RBFOX1: variants seen among roughly 807,000 people sequenced by gnomAD.
RBFOX1 encodes RNA binding fox-1 homolog 1, also known as RNA binding protein fox-1 homolog 1.
In RBFOX1, 8 loss-of-function variants were observed where a neutral mutation model predicts 57.7. The ratio of observed to expected loss-of-function variants is 0.14; its 90% confidence interval spans 0.08 to 0.25. The LOEUF is 0.25. RBFOX1 is among the 10% of genes least tolerant of loss of function. The pLI is 1.00. For missense variants in RBFOX1, 611 were observed against 548.5 expected, an observed-to-expected ratio of 1.11 and a Z score of -1.14; for synonymous variants, 326 against 222.4, an observed-to-expected ratio of 1.47 and a Z score of -4.15.
rs542768478 is a variant in RBFOX1, at chr16:5,455,487, G to A, written c.220-11729G>A. On this transcript the variant is annotated intron_variant, in intron 1 of 2. Coordinates refer to the RBFOX1 transcript ENST00000585867. ...GGGGTATCAAATCATTTAGGGTCTT[G>A]TTTTCAAAACCACCCCAAGGAGGCC... 2.5e-3 allele frequency among the ~76,000 whole-genome samples: 374 copies of A among 152,164 alleles called. 4 individuals are homozygous for A. The highest frequency in any genetic ancestry group is 8.7e-3 in the African/African-American group (361 of 41,514).
chr16:6,980,820 A>G (rs1452046192), intron 3 of RBFOX1, among the ~76,000 whole-genome samples: 1 of 152,116 alleles, frequency 6.6e-6, no homozygotes, highest in Non-Finnish European at 1.5e-5. Flanking sequence ...AGGCAGGCGG[A>G]TCACTTCAGG....
chr16:6,603,276 C>T (rs570530309), intron 2 of RBFOX1, among the ~76,000 whole-genome samples: 4 of 152,158 alleles, frequency 2.6e-5, no homozygotes, highest in East Asian at 1.9e-4. Flanking sequence ...CGGGGAAAGG[C>T]AGCCCACATT....
chr16:5,754,113 A>G (rs146623239), intron 3 of RBFOX1, among the ~76,000 whole-genome samples: 3 of 152,296 alleles, frequency 2.0e-5, no homozygotes, highest in African/African-American at 7.2e-5. Context: ...TTTTGAGGGT[A>G]ATTTTAGCCA....
chr16:6,939,508 T>TTTC (rs201515209), intron 3 of RBFOX1, among the ~76,000 whole-genome samples: 110 of 70,966 alleles, frequency 1.6e-3, no homozygotes, highest in South Asian at 7.6e-3. Flanking sequence ...TTTTCTTTCT[T>TTTC]TTTTTTTTTT....
intron 14 of RBFOX1, among the ~76,000 whole-genome samples, chr16:7,701,504 A>G (rs1232345263): frequency 3.9e-5 from 6 of 152,154 alleles, no homozygotes. Context: ...GAAGTGGAAC[A>G]GTTTTTTTTC....
chr16:6,098,717 G>A (rs182419387), intron 1 of RBFOX1, among the ~76,000 whole-genome samples: 75 of 152,294 alleles, frequency 4.9e-4, no homozygotes, highest in Non-Finnish European at 9.1e-4. Context: ...GGGTACAGAT[G>A]TCCAGACACC....
intron 3 of RBFOX1, among the ~76,000 whole-genome samples, chr16:7,029,197 TGTATAC>T (rs1276982098): frequency 8.8e-5 from 7 of 79,480 alleles, no homozygotes; most frequent in Non-Finnish European, 1.8e-4. Flanking sequence ...TATACACATA[TGTATAC>T]GTATACGTAT....
At chr16:6,875,285 C>A (rs773152427) in intron 3 of RBFOX1, among the ~76,000 whole-genome samples, 1 of 152,184 alleles carries the variant, frequency 6.6e-6, no homozygotes, top group African/African-American at 2.4e-5. Flanking sequence ...CTAAACAATA[C>A]AACTCGTTAT....
chr16:7,196,526 A>G (rs937856922), intron 4 of RBFOX1, among the ~76,000 whole-genome samples: 1 of 152,196 alleles, frequency 6.6e-6, no homozygotes, highest in Non-Finnish European at 1.5e-5. Context: ...GGTTAGTGCA[A>G]CCGGCTCTTT....
At chr16:6,497,343 A>G (rs958795606) in intron 2 of RBFOX1, among the ~76,000 whole-genome samples, 1 of 152,110 alleles carries the variant, frequency 6.6e-6, no homozygotes, top group Non-Finnish European at 1.5e-5. Context: ...TGACATTGAC[A>G]TGGAGCTTGA....
At chr16:6,496,980 A>T (rs768341789) in intron 2 of RBFOX1, among the ~76,000 whole-genome samples, 39 of 152,138 alleles carry the variant, frequency 2.6e-4, no homozygotes, top group Non-Finnish European at 5.4e-4. Flanking sequence ...AGACAAAAAG[A>T]AAATGCACTA....
At chr16:5,950,175 A>G (rs2059491574) in intron 4 of RBFOX1, among the ~76,000 whole-genome samples, 1 of 152,200 alleles carries the variant, frequency 6.6e-6, no homozygotes, top group South Asian at 2.1e-4. Context: ...GTGAAAAATA[A>G]AAGTGTGAGG....
At chr16:6,269,464 G>T (rs1324345788) in intron 1 of RBFOX1, among the ~76,000 whole-genome samples, 1 of 152,114 alleles carries the variant, frequency 6.6e-6, no homozygotes, top group African/African-American at 2.4e-5. Flanking sequence ...AAAAGTCAAG[G>T]CAACGAAAAC....
At chr16:7,035,253 G>C (rs991581073) in intron 3 of RBFOX1, among the ~76,000 whole-genome samples, 1 of 152,068 alleles carries the variant, frequency 6.6e-6, no homozygotes, top group Non-Finnish European at 1.5e-5. Context: ...AGTGAGAACT[G>C]TACTTGGGAT....
chr16:5,642,647 C>A (rs1462009720), intron 3 of RBFOX1, among the ~76,000 whole-genome samples: 7 of 152,130 alleles, frequency 4.6e-5, no homozygotes, highest in Admixed American at 2.0e-4. Flanking sequence ...CATGTCCTCA[C>A]TGAATAGAAG....
At chr16:5,631,878 G>A (rs984095192) in intron 3 of RBFOX1, among the ~76,000 whole-genome samples, 4 of 152,172 alleles carry the variant, frequency 2.6e-5, no homozygotes, top group Non-Finnish European at 4.4e-5. Flanking sequence ...CATTTTCTGG[G>A]ATGGACACTG....
intron 4 of RBFOX1, among the ~76,000 whole-genome samples, chr16:7,068,292 C>G (rs947095499): frequency 6.6e-6 from 1 of 152,160 alleles, no homozygotes; most frequent in Non-Finnish European, 1.5e-5. Flanking sequence ...TCTAAGTAGA[C>G]TGATTCTCCA....
At chr16:5,717,991 A>G (rs2051781514) in intron 3 of RBFOX1, among the ~76,000 whole-genome samples, 1 of 152,168 alleles carries the variant, frequency 6.6e-6, no homozygotes, top group Non-Finnish European at 1.5e-5. Flanking sequence ...ATGCATCTAC[A>G]CTTTCTCATG....
intron 3 of RBFOX1, among the ~76,000 whole-genome samples, chr16:6,942,212 C>T (rs757584232): frequency 3.9e-5 from 6 of 152,168 alleles, no homozygotes; most frequent in Non-Finnish European, 8.8e-5. Context: ...GTGCTCCAAC[C>T]TGGGTGACAG....
Sources: allele counts gnomAD v4.1 joint callset (sites outside exome capture counted in the v4.1 genomes callset), GRCh38; gene constraint gnomAD v4.1.1; transcripts MANE v1.5; gene names NCBI Gene and HGNC (gene_info 2026-07-23, HGNC 2026-07-21).